Variants in SHE observed in about 807,000 individuals in gnomAD.
SHE encodes the protein SH2 domain-containing adapter protein E.
SHE carries 11 observed loss-of-function variants against 49.8 expected under a neutral mutation model. That is an observed-to-expected ratio of 0.22 (90% CI 0.14 to 0.37). SHE has a LOEUF of 0.37. SHE is among the 10% of genes least tolerant of loss of function. The pLI is 1.00. For missense variants in SHE, 624 were observed against 655.5 expected, an observed-to-expected ratio of 0.95 and a Z score of 0.52; for synonymous variants, 310 against 278.1, an observed-to-expected ratio of 1.11 and a Z score of -1.14.
At chr1:154,492,126 G>A (rs1692386737) in intron 2 of SHE, among the ~76,000 whole-genome samples, 1 of 152,174 alleles carries the variant, frequency 6.6e-6, no homozygotes, top group Non-Finnish European at 1.5e-5. Flanking sequence ...AAATTCAAAA[G>A]TGCAAAACTT....
In SHE at chr1:154,501,657, G is replaced by A; in HGVS notation, c.370C>T (p.Arg124Trp). 2 of 1,613,942 alleles carry A rather than the reference G, an allele frequency of 1.2e-6. No homozygotes were observed. Among genetic ancestry groups the A allele is most frequent in the African/African-American group, 2.7e-5 (2 of 75,064 alleles). Residue 124 changes from arginine (R) to tryptophan (W), a missense_variant, in exon 1 of 6, where the codon CGG becomes TGG. This residue lies in a region of SHE where 337 missense variants were observed against 306.0 expected (regional missense o/e 1.10). Transcript: ENST00000304760. ...AAAGKGRKNS[R>W]ATEEEPHRGA... The stretch of plus-strand genomic sequence containing the variant: ...CGGTGGGGCTCCTCCTCCGTGGCCC[G>A]GGAGTTTTTGCGGCCCTTGCCCGCG...
intron 1 of SHE, 93 bp downstream of exon 1, chr1:154,501,343 A>T: frequency 8.5e-7 from 1 of 1,179,636 alleles, no homozygotes; most frequent in Non-Finnish European, 1.2e-6. Flanking sequence ...ACCTATCCTC[A>T]CTGCCTCTTA....
Position 154,501,992 on chromosome 1 carries a change from C to T in SHE, c.35G>A (p.Cys12Tyr). ...GGCGAGCGAGGAAGCCCAGCCCAGA[C>T]ACGCAGAGGCGCCAGGGGTCGGGGA... is the stretch of plus-strand genomic sequence containing the variant. The part of the protein sequence containing the change: ...QWSPTPGASA[C>Y]LGWASSLACS... Residue 12 changes from cysteine (C) to tyrosine (Y), a missense_variant, in exon 1 of 6, where the codon TGT (cysteine) becomes TAT (tyrosine). By Grantham distance (194) the Cys-to-Tyr change is radical. Around this residue, in one of 4 missense-constraint regions of SHE, gnomAD observed 337 missense variants for 306.0 expected, o/e 1.10. Transcript: ENST00000304760. 7.2e-7 allele frequency: 1 copy of T among 1,396,058 alleles called. No homozygotes were observed. Among genetic ancestry groups the T allele is most frequent in the Non-Finnish European group, 9.2e-7 (1 of 1,084,062 alleles). 86.5% of individuals were successfully genotyped at this position (1,396,058 alleles called of 1,614,324 possible). A position where few individuals can be genotyped will look rare whatever the true frequency, so the allele number is the denominator to read the frequency against.
In SHE at chr1:154,489,130, G is replaced by T; in HGVS notation, c.945C>A (p.Pro315=). 6.2e-7 allele frequency: 1 copy of T among 1,613,698 alleles called. No individual in the cohort carries two copies. Among genetic ancestry groups the T allele is most frequent in the Non-Finnish European group, 8.5e-7 (1 of 1,179,766 alleles). ...CTGCCGCGGGCCTCTCGTCGTTCTCGGGCAGCCGGCTGTCTGGGGGCCGCG... is the reference window on the plus strand; with the variant it reads ...CTGCCGCGGGCCTCTCGTCGTTCTCTGGCAGCCGGCTGTCTGGGGGCCGCG... The part of the protein sequence containing the change: ...GKARPPDSRL[P]ENDERPAAEY... The change falls in exon 3 of 6, where the codon CCC becomes CCA. Residue 315 remains proline, a synonymous_variant. Coordinates refer to ENST00000304760, the MANE Select transcript of SHE (RefSeq NM_001010846.3).
At chr1:154,501,268 AAC>A (rs1404743898) in intron 1 of SHE, among the ~76,000 whole-genome samples, 166 bp downstream of exon 1, 3 of 152,220 alleles carry the variant, frequency 2.0e-5, no homozygotes, top group South Asian at 2.1e-4. Flanking sequence ...AGAATTAAAA[AAC>A]AGTCTAAGAA....
At chr1:154,479,222 G>C (rs777838928), downstream of SHE, among the ~76,000 whole-genome samples, 57 of 152,110 alleles carry the variant, frequency 3.7e-4, no homozygotes, top group Non-Finnish European at 1.0e-4. Flanking sequence ...TTTCGACTCA[G>C]GAAGAGATGG....
chr1:154,498,387 C>T (rs1396471256), intron 2 of SHE, among the ~76,000 whole-genome samples: 10 of 149,350 alleles, frequency 6.7e-5, no homozygotes, highest in Non-Finnish European at 1.5e-4. Flanking sequence ...TGAGCCACTG[C>T]GCCTGGCCTT....
At chr1:154,469,878 A>G (rs1182997930) in exon 2 of SHE, 1 of 159,668 alleles carries the variant, frequency 6.3e-6, no homozygotes, top group African/African-American at 2.4e-5. Flanking sequence ...TCCCCTACTG[A>G]AAAGGATCTT....
chr1:154,479,934 A>G lies in SHE; in HGVS notation c.*4215T>C. 1 of 985,418 alleles carries G rather than the reference A, an allele frequency of 1.0e-6. No homozygotes were observed. 61.0% of individuals were successfully genotyped at this position (985,418 alleles called of 1,614,324 possible). ...CATCATTTTCCCTTTTCTGGACTGT[A>G]TCAGAAATCCTTCAGAAAGCCCTAC... is the stretch of plus-strand genomic sequence containing the variant. On this transcript the variant is annotated 3_prime_UTR_variant, in exon 6 of 6. Transcript: ENST00000304760.
At chr1:154,490,546 GAGA>G (rs760314797) in intron 2 of SHE, among the ~76,000 whole-genome samples, 29 of 152,336 alleles carry the variant, frequency 1.9e-4, no homozygotes, top group Non-Finnish European at 3.4e-4. Context: ...GACTTTGATA[GAGA>G]AGGTCATTTC....
chr1:154,472,481 T>C (rs1157246944), intron 1 of SHE, among the ~76,000 whole-genome samples: 1 of 152,204 alleles, frequency 6.6e-6, no homozygotes, highest in African/African-American at 2.4e-5. Context: ...AAGGTGGTGA[T>C]CCATCCTGAG....
chr1:154,479,811 C>A lies in SHE; in HGVS notation c.*4338G>T. On this transcript the variant is annotated 3_prime_UTR_variant, in exon 6 of 6. Transcript: ENST00000304760. ...AATTTGAGATTCTAAATTACACGAT[C>A]CAGCCTTAGTCCAGGGACCTTGTGA... 1.0e-6 allele frequency: 1 copy of A among 985,418 alleles called. No individual in the cohort carries two copies. Among genetic ancestry groups the A allele is most frequent in the Non-Finnish European group, 1.2e-6 (1 of 829,928 alleles). The allele number at this position is 985,418 out of a possible 1,614,324, so 61.0% of individuals were successfully genotyped here.
In SHE at chr1:154,482,298, G is replaced by A; in HGVS notation, c.*1851C>T. The stretch of plus-strand genomic sequence containing the variant: ...CAAATTGTTGGGATTACGTGCATGA[G>A]CCACCGCACCCAGCCTACATTCTTT... On this transcript the variant is annotated 3_prime_UTR_variant, in exon 6 of 6. Transcript: ENST00000304760. 1.0e-6 allele frequency: 1 copy of A among 984,756 alleles called. No homozygotes were observed. The highest frequency in any genetic ancestry group is 1.2e-6 in the Non-Finnish European group (1 of 829,452). 61.0% of individuals were successfully genotyped at this position (984,756 alleles called of 1,614,324 possible).
chr1:154,497,300 A>G (rs933911110), intron 2 of SHE, among the ~76,000 whole-genome samples: 4 of 152,234 alleles, frequency 2.6e-5, no homozygotes, highest in African/African-American at 9.6e-5. Context: ...ACAGCTCTTC[A>G]ATCTGTTCTA....
At chr1:154,471,679 TACTCTC>T (rs1347489850) in intron 1 of SHE, among the ~76,000 whole-genome samples, 3 of 41,374 alleles carry the variant, frequency 7.3e-5, no homozygotes, top group Admixed American at 4.4e-4. Flanking sequence ...AGTTTTTCAG[TACTCTC>T]TCTCTCTCTC....
downstream of SHE, among the ~76,000 whole-genome samples, chr1:154,477,906 A>AAG (rs1691919428): frequency 2.6e-5 from 4 of 151,098 alleles, no homozygotes; most frequent in South Asian, 2.1e-4. Flanking sequence ...AAAAAAAAAA[A>AAG]AAAGAAAGAA....
Position 154,483,295 on chromosome 1 carries a change from C to CT in SHE, c.*853dup, listed in dbSNP as rs1286905605. 1.0e-6 allele frequency: 1 copy of CT among 985,300 alleles called. No individual in the cohort carries two copies. Among genetic ancestry groups the CT allele is most frequent in the Non-Finnish European group, 1.2e-6 (1 of 829,940 alleles). The allele number at this position is 985,300 out of a possible 1,614,324, so 61.0% of individuals were successfully genotyped here. A position where few individuals can be genotyped will look rare whatever the true frequency, so the allele number is the denominator to read the frequency against. The stretch of plus-strand genomic sequence containing the variant: ...AACAAAATAATCCTTAGGCCACACT[C>CT]TGAAGTTGCGGATTTCCATGAACTC... On this transcript the variant is annotated 3_prime_UTR_variant, in exon 6 of 6. Transcript: ENST00000304760.
rs550973466 is a variant in SHE, at chr1:154,498,877, A to G, written c.718+235T>C. 3.3e-5 allele frequency among the ~76,000 whole-genome samples: 5 copies of G among 152,356 alleles called. No homozygotes were observed. In the South Asian group the frequency reaches 1.0e-3, roughly 32 times the overall value. ...ACTCATAAATGTCATCTTGCATAGA[A>G]CTAGAAAAACTTTGAAGACTCCTGT... is the stretch of plus-strand genomic sequence containing the variant. On this transcript the variant is annotated intron_variant, in intron 2 of 5. Transcript: ENST00000304760.
chr1:154,496,099 C>T (rs1692521091), intron 2 of SHE, among the ~76,000 whole-genome samples: 2 of 152,152 alleles, frequency 1.3e-5, no homozygotes, highest in African/African-American at 2.4e-5. Flanking sequence ...TTCTAGCTTC[C>T]GATAAACTCA....
Sources: gnomAD v4.1 joint callset for allele counts (sites outside exome capture counted in the v4.1 genomes callset) on GRCh38, gnomAD v4.1.1 for gene constraint, gnomAD v4.1.1 regional missense constraint, MANE v1.5 for transcripts, NCBI Gene and HGNC (gene_info 2026-07-23, HGNC 2026-07-21) for gene names.